The following GALNT15 variants were observed in gnomAD, a reference collection of about 807,000 sequenced individuals.
GALNT15 encodes the protein polypeptide N-acetylgalactosaminyltransferase 15.
In GALNT15, 67 loss-of-function variants were observed where a neutral mutation model predicts 66.8. The observed-to-expected ratio is 1.00, with a 90% CI of 0.82 to 1.23. GALNT15 has a LOEUF of 1.23. GALNT15 is among the 50% of genes most tolerant of loss of function. The pLI, the probability that GALNT15 is intolerant of heterozygous loss-of-function variation, is 0.00. For missense variants in GALNT15, 827 were observed against 804.3 expected (o/e 1.03, Z -0.34); for synonymous variants, 313 against 311.5 (o/e 1.00, Z -0.05).
chr3:16,246,321 GTTTTTTTTT>G, the GALNT15 span, among the ~76,000 whole-genome samples: 2 of 85,274 alleles, frequency 2.3e-5, no homozygotes, highest in African/African-American at 9.5e-5. Context: ...TTTGAAAGTG[GTTTTTTTTT>G]TTTTTTTTTT....
Position 16,219,907 on chromosome 3 carries a change from C to G in GALNT15, c.1525-3C>G, listed in dbSNP as rs2063923178. 1 of 1,611,724 alleles carries G rather than the reference C, an allele frequency of 6.2e-7. No homozygotes were observed. The highest frequency in any genetic ancestry group is 1.3e-5 in the African/African-American group (1 of 74,872). On this transcript the variant is annotated splice_region_variant and splice_polypyrimidine_tract_variant and intron_variant, in intron 7 of 9. Coordinates refer to ENST00000339732, the MANE Select transcript of GALNT15 (RefSeq NM_054110.5). The surrounding 1 kb of genome is among the most constrained non-coding windows in gnomAD (Gnocchi z 4.3). ...TCACTCCTGTGTGTGTGTCCACTTTCAGCTCCACAACACTGGACTTGGGCT... is the reference window on the plus strand; with the variant it reads ...TCACTCCTGTGTGTGTGTCCACTTTGAGCTCCACAACACTGGACTTGGGCT...
downstream of GALNT15, among the ~76,000 whole-genome samples, chr3:16,232,488 AT>A: frequency 1.2e-5 from 1 of 80,552 alleles, no homozygotes. Flanking sequence ...ATATATATAT[AT>A]ATATATATAT....
chr3:16,208,808 A>T (rs1669342968), intron 4 of GALNT15, 138 bp downstream of exon 4: 2 of 759,036 alleles, frequency 2.6e-6, no homozygotes, highest in Non-Finnish European at 4.3e-6. Flanking sequence ...TTTTCAGTAA[A>T]TTGAGAGCAA....
the GALNT15 span, among the ~76,000 whole-genome samples, chr3:16,242,552 A>G: frequency 6.6e-6 from 1 of 152,010 alleles, no homozygotes; most frequent in Non-Finnish European, 1.5e-5. The surrounding 1 kb of genome is among the most constrained non-coding windows in gnomAD (Gnocchi z 5.6). Flanking sequence ...GCGCCCAGGA[A>G]TTCGAGACCA....
the GALNT15 span, among the ~76,000 whole-genome samples, chr3:16,239,883 TA>T: frequency 1.3e-5 from 2 of 152,338 alleles, no homozygotes; most frequent in South Asian, 4.1e-4. The surrounding 1 kb of genome is among the most constrained non-coding windows in gnomAD (Gnocchi z 5.2). Context: ...GAATCTTGCT[TA>T]AAACAATAGT....
At chr3:16,218,707 C>T (rs911445676) in intron 6 of GALNT15, among the ~76,000 whole-genome samples, 9 of 151,836 alleles carry the variant, frequency 5.9e-5, no homozygotes, top group South Asian at 2.1e-4. Context: ...TGAGGCCCCT[C>T]GTAGTTTCTC....
At chr3:16,247,415 A>G in the GALNT15 span, among the ~76,000 whole-genome samples, 1 of 152,250 alleles carries the variant, frequency 6.6e-6, no homozygotes, top group Non-Finnish European at 1.5e-5. Flanking sequence ...ATTCAAATCC[A>G]GGAACGTCAG....
In GALNT15 at chr3:16,175,717, C is replaced by T. The variant is rs372656992; in HGVS notation, c.539+27C>T. Reference sequence around the variant, plus strand: ...TAAGTAAGGCCCTTGTTTTCCCTTCCCTGATCCCAGGGCATGATCGGGTGG... The same window carrying T: ...TAAGTAAGGCCCTTGTTTTCCCTTCTCTGATCCCAGGGCATGATCGGGTGG... On this transcript the variant is annotated intron_variant, in intron 1 of 9. Coordinates refer to ENST00000339732, the MANE Select transcript of GALNT15 (RefSeq NM_054110.5). The surrounding 1 kb of genome is among the most constrained non-coding windows in gnomAD (Gnocchi z 5.6). The T allele has an allele frequency of 1.1e-4, 162 of 1,532,410 alleles. No individual in the cohort carries two copies. In the African/African-American group the frequency reaches 2.0e-3, roughly 19 times the overall value. 94.9% of individuals were successfully genotyped at this position (1,532,410 alleles called of 1,614,324 possible).
chr3:16,244,299 T>C, the GALNT15 span, among the ~76,000 whole-genome samples: 3 of 152,164 alleles, frequency 2.0e-5, no homozygotes, highest in African/African-American at 4.8e-5. Context: ...CAAAGCATGA[T>C]GGTGACAGCT....
At chr3:16,214,921 C>T (rs982086861) in intron 6 of GALNT15, among the ~76,000 whole-genome samples, 1 of 152,314 alleles carries the variant, frequency 6.6e-6, no homozygotes, top group African/African-American at 2.4e-5. Flanking sequence ...CTGGTTTTTA[C>T]TCTCTTGGGT....
At chr3:16,232,469 A>AATATATATATATATAT (rs374444719), downstream of GALNT15, among the ~76,000 whole-genome samples, 4 of 38,746 alleles carry the variant, frequency 1.0e-4, no homozygotes, top group Non-Finnish European at 1.6e-4. Context: ...TAAATAAATA[A>AATATATATATATATAT]ATATATATAT....
At position 16,227,694 on chromosome 3, in the gene GALNT15, TAAAA is replaced by T. The variant is rs4035393; in HGVS notation, c.*206_*209del. 3,127 of 1,266,694 alleles carry T rather than the reference TAAAA, an allele frequency of 2.5e-3. No homozygotes were observed. Among genetic ancestry groups the T allele is most frequent in the East Asian group, 9.5e-3 (292 of 30,798 alleles). The allele number at this position is 1,266,694 out of a possible 1,614,324, so 78.5% of individuals were successfully genotyped here. On this transcript the variant is annotated 3_prime_UTR_variant, in exon 10 of 10. Transcript: ENST00000339732. This position sits in a 1 kb window ranked among gnomAD's most constrained non-coding sequence, Gnocchi z 4.5. ...TTATTTCATTGACTGCTGGCTGCTT[TAAAA>T]AAAAAAAAAAAGGATCCATTGTACC...
At chr3:16,247,805 C>G in the GALNT15 span, among the ~76,000 whole-genome samples, 2 of 152,232 alleles carry the variant, frequency 1.3e-5, no homozygotes, top group Non-Finnish European at 2.9e-5. Context: ...CTGCTGTCCC[C>G]CTCCCGGACC....
chr3:16,233,113 T>TTTTTTTTTTTTTTTTTTTTGA (rs71064272), downstream of GALNT15, among the ~76,000 whole-genome samples: 1 of 139,260 alleles, frequency 7.2e-6, no homozygotes, highest in African/African-American at 2.7e-5. Context: ...TTTTTTTTTT[T>TTTTTTTTTTTTTTTTTTTTGA]GAAACGGAGT....
intron 3 of GALNT15, among the ~76,000 whole-genome samples, chr3:16,205,655 T>C (rs1222187360): frequency 3.3e-5 from 5 of 152,206 alleles, no homozygotes; most frequent in African/African-American, 9.7e-5. Flanking sequence ...ACCAGACACA[T>C]CGGTAGGTAC....
At chr3:16,185,843 G>A (rs934937421) in intron 1 of GALNT15, among the ~76,000 whole-genome samples, 45 of 152,124 alleles carry the variant, frequency 3.0e-4, no homozygotes, top group African/African-American at 1.1e-3. Context: ...ACTTTAAACA[G>A]GTCATTTAAG....
rs1018263435 is a variant in GALNT15, at chr3:16,219,105, C to A, written c.1393-298C>A. Reference sequence around the variant, plus strand: ...TGCTGGAGGTGTGAGCCACCACTCCCGGCCTATTGTAGTCTTTATAGACTG... The same window carrying A: ...TGCTGGAGGTGTGAGCCACCACTCCAGGCCTATTGTAGTCTTTATAGACTG... On this transcript the variant is annotated intron_variant, in intron 6 of 9. Transcript: ENST00000339732. The surrounding 1 kb of genome is among the most constrained non-coding windows in gnomAD (Gnocchi z 4.3). Among the ~76,000 whole-genome samples the A allele has an allele frequency of 2.0e-5, 3 of 152,140 alleles. No homozygotes were observed. The highest frequency in any genetic ancestry group is 7.2e-5 in the African/African-American group (3 of 41,428).
intron 1 of GALNT15, among the ~76,000 whole-genome samples, chr3:16,192,116 G>A (rs1054232645): frequency 1.3e-4 from 20 of 152,126 alleles, no homozygotes; most frequent in Non-Finnish European, 1.5e-5. Flanking sequence ...AGGAAGCAAC[G>A]GAGTGAACAT....
Position 16,227,442 on chromosome 3 carries a change from A to G in GALNT15, c.1862A>G (p.Asp621Gly). 2 of 1,614,188 alleles carry G rather than the reference A, an allele frequency of 1.2e-6. No individual in the cohort carries two copies. The highest frequency in any genetic ancestry group is 2.2e-5 in the East Asian group (1 of 44,884). The change falls in exon 10 of 10, where the codon GAT becomes GGT. Residue 621 changes from aspartate (D) to glycine (G), a missense_variant. Asp to Gly is a moderately conservative substitution (Grantham distance 94). Transcript: ENST00000339732. This position sits in a 1 kb window ranked among gnomAD's most constrained non-coding sequence, Gnocchi z 4.5. The stretch of plus-strand genomic sequence containing the variant: ...AAAGATTTGTACCTGCGTCCGTGTG[A>G]TGGAAAAGCCCGCCAGCAGTGGCGT... Reference protein sequence around the residue: ...NNKDLYLRPCDGKARQQWRFD... With the variant: ...NNKDLYLRPCGGKARQQWRFD...
Sources: allele counts gnomAD v4.1 joint callset (sites outside exome capture counted in the v4.1 genomes callset), GRCh38; gene constraint gnomAD v4.1.1; non-coding constraint Gnocchi (gnomAD v3.1); transcripts MANE v1.5; gene names NCBI Gene and HGNC (gene_info 2026-07-23, HGNC 2026-07-21).